SNX29: variants seen among roughly 807,000 people sequenced by gnomAD.
The protein encoded by SNX29 is sorting nexin 29.
SNX29 carries 78 observed loss-of-function variants against 102.1 expected under a neutral mutation model. The observed-to-expected ratio is 0.76, with a 90% confidence interval of 0.64 to 0.92. The LOEUF (loss-of-function observed/expected upper bound fraction) is 0.92, where lower values mean the gene tolerates loss of function less well. Among genes scored for constraint, SNX29 ranks in the 40% least tolerant of loss-of-function variants. The probability of loss-of-function intolerance (pLI) is 0.00; values close to 1 mark genes in which losing one functional copy is unlikely to be tolerated. For synonymous variants in SNX29, 580 were observed against 414.5 expected (o/e 1.40, Z -4.85); for missense variants, 1,280 against 1,061.7 (o/e 1.21, Z -2.86).
At chr16:12,438,592 G>A (rs552042075) in intron 18 of SNX29, among the ~76,000 whole-genome samples, 1 of 152,344 alleles carries the variant, frequency 6.6e-6, no homozygotes, top group South Asian at 2.1e-4. Flanking sequence ...GTGCCAGGTA[G>A]AGGCAGTGAG....
rs1474679921 is a variant in SNX29, at chr16:11,976,827, C to T, written c.7+14C>T. On this transcript the variant is annotated intron_variant, in intron 1 of 20. Transcript: ENST00000566228. ...GCACCATGAGCGGTGAGTGGCGGCCCCGCCGCTGTCACCTGCCCCGGCCGC... is the reference window on the plus strand; with the variant it reads ...GCACCATGAGCGGTGAGTGGCGGCCTCGCCGCTGTCACCTGCCCCGGCCGC... 4 of 1,373,908 alleles carry T rather than the reference C, an allele frequency of 2.9e-6. No homozygotes were observed. Among genetic ancestry groups the T allele is most frequent in the South Asian group, 1.6e-5 (1 of 61,106 alleles). The allele number at this position is 1,373,908 out of a possible 1,614,324, so 85.1% of individuals were successfully genotyped here. A position where few individuals can be genotyped will look rare whatever the true frequency, so the allele number is the denominator to read the frequency against.
At chr16:12,317,065 C>T (rs554602218) in intron 15 of SNX29, among the ~76,000 whole-genome samples, 1 of 152,356 alleles carries the variant, frequency 6.6e-6, no homozygotes, top group Admixed American at 6.5e-5. Context: ...CCTACCTGCC[C>T]AGGTGAGAGG....
chr16:12,453,044 G>A (rs2086377340), intron 18 of SNX29, among the ~76,000 whole-genome samples: 1 of 152,118 alleles, frequency 6.6e-6, no homozygotes, highest in African/African-American at 2.4e-5. Context: ...GTAAGACCTG[G>A]GGCTGTCTCA....
intron 14 of SNX29, among the ~76,000 whole-genome samples, chr16:12,272,228 G>A (rs1567381959): frequency 2.0e-5 from 3 of 152,156 alleles, no homozygotes; most frequent in African/African-American, 7.2e-5. Flanking sequence ...TAGAGGGGCT[G>A]GTGCCTTGGG....
chr16:12,475,605 T>C (rs2087555191), intron 18 of SNX29, among the ~76,000 whole-genome samples: 1 of 152,244 alleles, frequency 6.6e-6, no homozygotes, highest in Non-Finnish European at 1.5e-5. Flanking sequence ...CTAGTCTACC[T>C]TCAACCTGTT....
At chr16:12,168,163 G>T (rs1470401256) in intron 13 of SNX29, among the ~76,000 whole-genome samples, 4 of 152,196 alleles carry the variant, frequency 2.6e-5, no homozygotes, top group Non-Finnish European at 5.9e-5. Flanking sequence ...AAAAGTGTAG[G>T]CTGTCAAGAA....
intron 11 of SNX29, among the ~76,000 whole-genome samples, chr16:12,109,238 G>A (rs981794121): frequency 5.3e-5 from 8 of 151,848 alleles, no homozygotes; most frequent in Non-Finnish European, 1.0e-4. Context: ...CTTCTTGCTG[G>A]TGGGGACTCT....
chr16:12,107,219 C>T (rs957203432), intron 11 of SNX29, among the ~76,000 whole-genome samples: 7 of 152,084 alleles, frequency 4.6e-5, no homozygotes, highest in Admixed American at 1.3e-4. Flanking sequence ...TCTGAGTGGT[C>T]ACCTGGCCAG....
chr16:12,505,478 A>G (rs77258976), intron 19 of SNX29, among the ~76,000 whole-genome samples: 1 of 152,200 alleles, frequency 6.6e-6, no homozygotes, highest in Non-Finnish European at 1.5e-5. Context: ...TGATCTAAAC[A>G]TCCTTATGCC....
At chr16:12,487,589 C>G (rs1025525399) in intron 19 of SNX29, among the ~76,000 whole-genome samples, 1 of 152,184 alleles carries the variant, frequency 6.6e-6, no homozygotes, top group African/African-American at 2.4e-5. Context: ...CAGCCGCACA[C>G]GTCCATGCCC....
intron 8 of SNX29, among the ~76,000 whole-genome samples, chr16:12,059,438 C>G (rs534840032): frequency 6.6e-6 from 1 of 152,214 alleles, no homozygotes; most frequent in African/African-American, 2.4e-5. Flanking sequence ...GTCGCGGGAG[C>G]GGCTCTTCTT....
At chr16:12,068,938 G>A in intron 9 of SNX29, 119 bp from the exon 10 acceptor site, 1 of 912,102 alleles carries the variant, frequency 1.1e-6, no homozygotes. Flanking sequence ...GAGAGATGGA[G>A]AAAAATTTCT....
At chr16:12,380,611 TCCATCCATC>T (rs2083057049) in intron 16 of SNX29, among the ~76,000 whole-genome samples, 1 of 67,564 alleles carries the variant, frequency 1.5e-5, no homozygotes. Context: ...CCATCCACCA[TCCATCCATC>T]CACCCACCCA....
intron 13 of SNX29, among the ~76,000 whole-genome samples, chr16:12,149,915 G>A (rs187778155): frequency 2.6e-5 from 4 of 152,168 alleles, no homozygotes; most frequent in Non-Finnish European, 5.9e-5. Flanking sequence ...AACAGTTTGT[G>A]CCAAGGGGGA....
rs187123986 is a variant in SNX29 at position 12,544,489 on chromosome 16, G to T, written c.2318+19648G>T. Among the ~76,000 whole-genome samples, 354 of 150,834 alleles carry T rather than the reference G, an allele frequency of 2.3e-3. 1 individual carries two copies. The highest frequency in any genetic ancestry group is 7.9e-3 in the African/African-American group (317 of 40,216). On this transcript the variant is annotated intron_variant, in intron 20 of 20. Coordinates refer to ENST00000566228, the MANE Select transcript of SNX29 (RefSeq NM_032167.5). ...AGAGGCCGATTTTATGATTGGGGTC[G>T]GCTGGGGTCTAGATGGCATTTTTCT...
At chr16:12,502,869 T>C (rs568782175) in intron 19 of SNX29, among the ~76,000 whole-genome samples, 1 of 152,272 alleles carries the variant, frequency 6.6e-6, no homozygotes, top group East Asian at 1.9e-4. Flanking sequence ...TGGTTAAAGG[T>C]CACTACTTTA....
intron 13 of SNX29, among the ~76,000 whole-genome samples, chr16:12,178,035 C>T (rs1251614659): frequency 6.6e-6 from 1 of 152,160 alleles, no homozygotes; most frequent in Admixed American, 6.5e-5. Flanking sequence ...CCTCGTTGTC[C>T]TCACTGTTTC....
At chr16:12,544,605 C>T (rs988872889) in intron 20 of SNX29, among the ~76,000 whole-genome samples, 2 of 152,226 alleles carry the variant, frequency 1.3e-5, no homozygotes, top group African/African-American at 4.8e-5. Context: ...GTTGTCACTC[C>T]TGACTCTGCG....
intron 20 of SNX29, among the ~76,000 whole-genome samples, chr16:12,555,505 G>C (rs1371102957): frequency 6.6e-6 from 1 of 151,604 alleles, no homozygotes; most frequent in Non-Finnish European, 1.5e-5. Flanking sequence ...AGTCACGCAG[G>C]GATTGACTGG....
Sources: allele counts gnomAD v4.1 joint callset (sites outside exome capture counted in the v4.1 genomes callset), GRCh38; gene constraint gnomAD v4.1.1; transcripts MANE v1.5; gene names NCBI Gene and HGNC (gene_info 2026-07-23, HGNC 2026-07-21).